Variants in SMG1 observed in about 807,000 individuals in gnomAD.
The protein encoded by SMG1 is SMG1 nonsense mediated mRNA decay associated PI3K related kinase.
In SMG1, 22 loss-of-function variants were observed where a neutral mutation model predicts 419.9. That is an observed-to-expected ratio of 0.05 (90% CI 0.04 to 0.07). The LOEUF (loss-of-function observed/expected upper bound fraction) is 0.07. Among genes scored for constraint, SMG1 ranks in the 10% least tolerant of loss-of-function variants. SMG1 has a pLI of 1.00. For synonymous variants in SMG1, 1,538 were observed against 1,553.5 expected (o/e 0.99, Z 0.23); for missense variants, 3,185 against 4,342.0 (o/e 0.73, Z 7.49).
chr16:18,876,372 C>T lies in SMG1; in HGVS notation c.1642G>A (p.Val548Ile), dbSNP rs2036133363. 1 of 1,609,898 alleles carries T rather than the reference C, an allele frequency of 6.2e-7. No individual in the cohort carries two copies. The highest frequency in any genetic ancestry group is 8.5e-7 in the Non-Finnish European group (1 of 1,178,712). ...EKEVVAVAHA[V>I]YQAVLSLKNI... ...TTCAAGCTGAGCACTGCTTGATAAA[C>T]AGCATGGGCTACAGCAACAACCTGA... The change falls in exon 13 of 63, where the codon GTT becomes ATT. Residue 548 changes from valine (V) to isoleucine (I), a missense_variant. Val to Ile is a conservative substitution (Grantham distance 29, BLOSUM62 3). Around this residue, in one of 27 missense-constraint regions of SMG1, gnomAD observed 297 missense variants for 491.0 expected, o/e 0.60. Transcript: ENST00000446231.
In SMG1 at chr16:18,806,086, A is replaced by T. The variant is rs1341032266; in HGVS notation, c.*3483T>A. On this transcript the variant is annotated 3_prime_UTR_variant, in exon 63 of 63. Transcript: ENST00000446231. ...GTACTGCCTATAATACCCCAGATTAAAAAGGACCGAAGATTGCACATCAAG... is the reference window on the plus strand; with the variant it reads ...GTACTGCCTATAATACCCCAGATTATAAAGGACCGAAGATTGCACATCAAG... 1 of 152,636 alleles carries T rather than the reference A, an allele frequency of 6.6e-6. No homozygotes were observed. The highest frequency in any genetic ancestry group is 1.9e-4 in the East Asian group (1 of 5,202). The allele number at this position is 152,636 out of a possible 1,614,324, so 9.5% of individuals were successfully genotyped here.
At chr16:18,835,210 C>A (rs1420417483) in intron 48 of SMG1, 46 bp from the exon 49 acceptor site, 4 of 1,544,516 alleles carry the variant, frequency 2.6e-6, no homozygotes, top group Non-Finnish European at 3.5e-6. Flanking sequence ...CAACCACCCC[C>A]AACATACAAA....
Position 18,889,540 on chromosome 16 carries a change from A to C in SMG1, c.654T>G (p.Leu218=). The C allele has an allele frequency of 1.7e-6, 1 of 579,500 alleles. No homozygotes were observed. The highest frequency in any genetic ancestry group is 3.0e-6 in the Non-Finnish European group (1 of 333,380). 35.9% of individuals were successfully genotyped at this position (579,500 alleles called of 1,614,324 possible). ...QELRQEGACC[L]GLLCASLSYE... ...AGCTCAGAGAAGCACAAAGAAGGCC[A>C]AGACAGCAAGCTCCCTCCTGTCTCA... Residue 218 remains leucine (L), a synonymous_variant, in exon 6 of 63, where the codon CTT becomes CTG. Transcript: ENST00000446231.
chr16:18,841,737 G>A lies in SMG1; in HGVS notation c.6524C>T (p.Thr2175Ile). Residue 2175 changes from threonine (T) to isoleucine (I), a missense_variant, in exon 41 of 63, where the codon ACC (threonine) becomes ATC (isoleucine). Around this residue, in one of 27 missense-constraint regions of SMG1, gnomAD observed 35 missense variants for 33.8 expected, o/e 1.04. Transcript: ENST00000446231. ...RIMQFLSIVN[T>I]MFATINRQET... ...TTGGCGATTAATTGTAGCAAACATG[G>A]TATTCACAATAGATAGGAACTGCAT... The A allele has an allele frequency of 6.2e-7, 1 of 1,613,924 alleles. No individual in the cohort carries two copies. The highest frequency in any genetic ancestry group is 1.1e-5 in the South Asian group (1 of 91,082).
In SMG1 at chr16:18,805,362, A is replaced by T. The variant is rs1010920928; in HGVS notation, c.*4207T>A. 3 of 152,224 alleles carry T rather than the reference A, an allele frequency of 2.0e-5. No homozygotes were observed. The highest frequency in any genetic ancestry group is 4.1e-4 in the South Asian group (2 of 4,832). The allele number at this position is 152,224 out of a possible 1,614,324, so 9.4% of individuals were successfully genotyped here. On this transcript the variant is annotated 3_prime_UTR_variant, in exon 63 of 63. Transcript: ENST00000446231. ...ATTCTTCTAAGTTTACCATCTTCAA[A>T]AATCTTCTAAATTGTATGACACTTT...
chr16:18,906,810 C>T (rs2037580190), intron 1 of SMG1, among the ~76,000 whole-genome samples: 1 of 152,160 alleles, frequency 6.6e-6, no homozygotes, highest in Admixed American at 6.5e-5. Context: ...CAATTTCTGC[C>T]CCATCACTCT....
chr16:18,863,739 A>T lies in SMG1; in HGVS notation c.3606T>A (p.Ala1202=), dbSNP rs768810824. 1.3e-5 allele frequency: 21 copies of T among 1,586,808 alleles called. No homozygotes were observed. The highest frequency in any genetic ancestry group is 4.5e-4 in the Middle Eastern group (2 of 4,418). Residue 1202 remains alanine (A), a synonymous_variant, in exon 25 of 63, where the codon GCT becomes GCA. Transcript: ENST00000446231. ...GGATAGCGTTCTGCCATTCCTGCAC[A>T]GCAGCCCAATCGGCAATTGAGATGT... ...ECYISIADWA[A]VQEWQNAIHD...
intron 1 of SMG1, among the ~76,000 whole-genome samples, chr16:18,918,932 G>C (rs545500992): frequency 2.8e-4 from 42 of 152,266 alleles, no homozygotes; most frequent in Non-Finnish European, 5.3e-4. Flanking sequence ...ACTGAGAATT[G>C]TATCACAAAA....
chr16:18,862,132 T>C (rs1187288475), intron 25 of SMG1, among the ~76,000 whole-genome samples: 5 of 152,164 alleles, frequency 3.3e-5, no homozygotes, highest in African/African-American at 9.7e-5. Context: ...TACCACTCAA[T>C]AGTATTCAAT....
chr16:18,887,844 C>T (rs533634937), intron 6 of SMG1, among the ~76,000 whole-genome samples: 3 of 126,404 alleles, frequency 2.4e-5, no homozygotes, highest in African/African-American at 8.9e-5. Flanking sequence ...ATAATTTAAT[C>T]ACTTAAAATC....
chr16:18,856,412 A>G (rs1457997000), intron 29 of SMG1: 2 of 146,366 alleles, frequency 1.4e-5, no homozygotes, highest in Non-Finnish European at 3.0e-5. Context: ...TCTTGGCTCA[A>G]TGCAAGATCC....
chr16:18,845,658 A>G lies in SMG1; in HGVS notation c.5997-7T>C. 1 of 1,596,254 alleles carries G rather than the reference A, an allele frequency of 6.3e-7. No homozygotes were observed. The highest frequency in any genetic ancestry group is 8.5e-7 in the Non-Finnish European group (1 of 1,171,324). The stretch of plus-strand genomic sequence containing the variant: ...GATTGCAATTTTCTCTTCTCTGACC[A>G]AGAAGACATTTTTATTCAAAAACTT... On this transcript the variant is annotated splice_polypyrimidine_tract_variant and splice_region_variant and intron_variant, in intron 38 of 62. Coordinates refer to ENST00000446231, the MANE Select transcript of SMG1 (RefSeq NM_015092.5).
intron 1 of SMG1, among the ~76,000 whole-genome samples, chr16:18,913,438 G>T (rs537817172): frequency 1.3e-5 from 2 of 151,644 alleles, no homozygotes; most frequent in Non-Finnish European, 2.9e-5. Context: ...GTAAAGGTAC[G>T]TTTTTAATTA....
chr16:18,882,199 C>A lies in SMG1; in HGVS notation c.1259G>T (p.Arg420Leu). The A allele has an allele frequency of 1.3e-6, 2 of 1,588,130 alleles. No individual in the cohort carries two copies. Among genetic ancestry groups the A allele is most frequent in the Non-Finnish European group, 1.7e-6 (2 of 1,168,580 alleles). Residue 420 changes from arginine to leucine, a missense_variant, in exon 10 of 63, where the codon CGG (arginine) becomes CTG (leucine). Coordinates refer to ENST00000446231, the MANE Select transcript of SMG1 (RefSeq NM_015092.5). The stretch of plus-strand genomic sequence containing the variant: ...ATATGCCTCAGTAATTGGAGGACCC[C>A]GAATTGGGCTGAAGCGTTCCCCAAT... ...RSIGERFSPI[R>L]GPPITEAYVT...
rs2032519951 is a variant in SMG1, at chr16:18,821,230, T to C, written c.9742-1576A>G. Among the ~76,000 whole-genome samples the C allele has an allele frequency of 5.2e-5, 2 of 38,300 alleles. 1 individual carries two copies. Among genetic ancestry groups the C allele is most frequent in the South Asian group, 1.5e-3 (2 of 1,308 alleles). 25.1% of individuals were successfully genotyped at this position (38,300 alleles called of 152,430 possible). ...GATATTTAGTATGTTTCTTTTTTTT[T>C]TTTTTTTTTTCTTTTTTTTTTCTTT... On this transcript the variant is annotated intron_variant, in intron 55 of 62. Coordinates refer to ENST00000446231, the MANE Select transcript of SMG1 (RefSeq NM_015092.5).
In SMG1 at chr16:18,847,908, T is replaced by C. The variant is rs765681254; in HGVS notation, c.5749A>G (p.Ser1917Gly). ...SQDSNKDEPK[S>G]GLNEDQAMMQ... ...ATGGCTTGGTCTTCATTTAATCCACTTTTAGGTTCATCCTTATTGCTATCC... is the reference window on the plus strand; with the variant it reads ...ATGGCTTGGTCTTCATTTAATCCACCTTTAGGTTCATCCTTATTGCTATCC... The change falls in exon 37 of 63, where the codon AGT becomes GGT. Residue 1917 changes from serine to glycine, a missense_variant. By Grantham distance (56) the Ser-to-Gly change is moderately conservative. Around this residue, in one of 27 missense-constraint regions of SMG1, gnomAD observed 130 missense variants for 162.0 expected, o/e 0.80. Transcript: ENST00000446231. 3.7e-6 allele frequency: 6 copies of C among 1,614,060 alleles called. No homozygotes were observed. The highest frequency in any genetic ancestry group is 4.2e-6 in the Non-Finnish European group (5 of 1,179,894).
chr16:18,816,262 C>T (rs758754003), intron 58 of SMG1, 40 bp downstream of exon 58: 178 of 1,473,420 alleles, frequency 1.2e-4, no homozygotes, highest in Non-Finnish European at 1.6e-4. Flanking sequence ...AATTTTATAA[C>T]AGAGGGAGAG....
At chr16:18,908,140 C>A (rs904039185) in intron 1 of SMG1, among the ~76,000 whole-genome samples, 45 of 151,938 alleles carry the variant, frequency 3.0e-4, no homozygotes, top group African/African-American at 1.1e-3. Context: ...CTGAGGCAGG[C>A]AGATTACCTG....
At chr16:18,866,814 T>A in intron 22 of SMG1, 39 bp from the exon 23 acceptor site, 1 of 1,564,534 alleles carries the variant, frequency 6.4e-7, no homozygotes, top group Non-Finnish European at 8.7e-7. Flanking sequence ...CCCAATACCA[T>A]TAAAACATAA....
Sources: allele counts gnomAD v4.1 joint callset (sites outside exome capture counted in the v4.1 genomes callset), GRCh38; gene constraint gnomAD v4.1.1; regional missense constraint gnomAD v4.1.1; transcripts MANE v1.5; gene names NCBI Gene and HGNC (gene_info 2026-07-23, HGNC 2026-07-21).